The following SLC16A7 variants were observed in gnomAD, a reference collection of about 807,000 sequenced individuals.
SLC16A7 encodes solute carrier family 16 member 7, also known as monocarboxylate transporter 2.
Under a neutral mutation model 34.9 loss-of-function variants are expected in SLC16A7, and 33 were observed. The ratio of observed to expected loss-of-function variants is 0.94; its 90% confidence interval spans 0.72 to 1.26. SLC16A7 has a LOEUF of 1.26. SLC16A7 is among the 50% of genes most tolerant of loss of function. The pLI is 0.00. For synonymous variants in SLC16A7, 201 were observed against 206.6 expected, an observed-to-expected ratio of 0.97 and a Z score of 0.23; for missense variants, 573 against 578.1, an observed-to-expected ratio of 0.99 and a Z score of 0.09.
intron 5 of SLC16A7, among the ~76,000 whole-genome samples, chr12:59,776,184 C>CT (rs1235832565): frequency 3.3e-5 from 5 of 152,056 alleles, no homozygotes; most frequent in African/African-American, 4.8e-5. Flanking sequence ...AAAGAATACC[C>CT]TCACAAATTG....
chr12:59,722,530 A>G (rs757747437), intron 3 of SLC16A7, among the ~76,000 whole-genome samples: 15 of 151,846 alleles, frequency 9.9e-5, no homozygotes, highest in Non-Finnish European at 1.5e-4. Flanking sequence ...GTCTTCTGTT[A>G]TCCTCCCTTT....
intron 2 of SLC16A7, among the ~76,000 whole-genome samples, chr12:59,681,878 C>A (rs1045695891): frequency 7.2e-5 from 11 of 152,020 alleles, no homozygotes; most frequent in Non-Finnish European, 1.6e-4. Flanking sequence ...GAACTCCTCT[C>A]AGAATAGGTC....
chr12:59,711,081 A>G (rs935256553), intron 3 of SLC16A7, among the ~76,000 whole-genome samples: 10 of 152,210 alleles, frequency 6.6e-5, no homozygotes, highest in African/African-American at 2.4e-4. Flanking sequence ...TTATACTTTG[A>G]CAAATTCTAA....
At chr12:59,773,214 C>T (rs1020036856) in intron 4 of SLC16A7, among the ~76,000 whole-genome samples, 2 of 151,910 alleles carry the variant, frequency 1.3e-5, no homozygotes, top group Non-Finnish European at 1.5e-5. Context: ...ATTTATAAAT[C>T]GGATTTAATT....
intron 3 of SLC16A7, among the ~76,000 whole-genome samples, chr12:59,758,913 T>C (rs534437553): frequency 3.7e-4 from 57 of 152,176 alleles, no homozygotes; most frequent in South Asian, 3.7e-3. Flanking sequence ...TCTCCAAGTC[T>C]TGTTGCCATT....
chr12:59,717,789 T>A (rs552876904), intron 3 of SLC16A7, among the ~76,000 whole-genome samples: 1 of 152,338 alleles, frequency 6.6e-6, no homozygotes, highest in South Asian at 2.1e-4. Flanking sequence ...TATTTTAAGT[T>A]TATATTTGTA....
intron 2 of SLC16A7, among the ~76,000 whole-genome samples, chr12:59,679,429 C>T (rs138709500): frequency 6.6e-6 from 1 of 152,180 alleles, no homozygotes; most frequent in African/African-American, 2.4e-5. Flanking sequence ...TATTACTACT[C>T]CCAATTTCAC....
chr12:59,616,439 C>T (rs76743087), intron 1 of SLC16A7, among the ~76,000 whole-genome samples: 2,679 of 151,950 alleles, frequency 0.018, 77 homozygotes, highest in African/African-American at 0.061. Flanking sequence ...TCTGTAAGTT[C>T]TTATGTTTTT....
intron 1 of SLC16A7, among the ~76,000 whole-genome samples, chr12:59,645,352 G>A (rs190646649): frequency 2.6e-4 from 39 of 152,302 alleles, no homozygotes; most frequent in Admixed American, 7.2e-4. Context: ...ATCTTGAATT[G>A]TAGTTCCCAT....
rs555599614 is a variant in SLC16A7 at position 59,786,471 on chromosome 12, G to A, written c.*6792G>A. ...TTTCTGACAAGCTTTTCAATGGTAC[G>A]ATGGATTTTATTTTTCTATCATCAA... On this transcript the variant is annotated 3_prime_UTR_variant, in exon 6 of 6. Transcript: ENST00000547379. 20 of 152,004 alleles carry A rather than the reference G, an allele frequency of 1.3e-4. No individual in the cohort carries two copies. The South Asian group carries it at 3.7e-3, about 28-fold the overall frequency. The allele number at this position is 152,004 out of a possible 1,614,324, so 9.4% of individuals were successfully genotyped here. A position where few individuals can be genotyped will look rare whatever the true frequency, so the allele number is the denominator to read the frequency against.
chr12:59,764,785 A>G (rs959636566), intron 3 of SLC16A7, among the ~76,000 whole-genome samples: 2 of 152,110 alleles, frequency 1.3e-5, no homozygotes, highest in African/African-American at 4.8e-5. Flanking sequence ...TAGTGCCGCA[A>G]TAAACATACG....
rs1353195522 is a variant in SLC16A7, at chr12:59,678,613, T to C, written c.-31+23363T>C. ...GTCCAGGGTTTTTATGGGCTTCAGA[T>C]GGGAGGAAGTGCCTCCTGATTGGCT... On this transcript the variant is annotated intron_variant, in intron 2 of 5. Transcript: ENST00000547379. Among the ~76,000 whole-genome samples, 3 of 152,130 alleles carry C rather than the reference T, an allele frequency of 2.0e-5. No individual in the cohort carries two copies. In the East Asian group the frequency reaches 5.8e-4, roughly 29 times the overall value.
chr12:59,607,946 C>T (rs1174025749), intron 1 of SLC16A7, among the ~76,000 whole-genome samples: 2 of 152,108 alleles, frequency 1.3e-5, no homozygotes, highest in African/African-American at 2.4e-5. Flanking sequence ...TGAGCTAGAA[C>T]ATAGATAGGA....
intron 3 of SLC16A7, among the ~76,000 whole-genome samples, chr12:59,722,084 G>T (rs1209148444): frequency 6.6e-6 from 1 of 151,698 alleles, no homozygotes; most frequent in East Asian, 1.9e-4. Context: ...CTGAACTCTA[G>T]ACCTATATAT....
intron 2 of SLC16A7, among the ~76,000 whole-genome samples, chr12:59,685,848 A>G (rs957487604): frequency 6.6e-6 from 1 of 152,132 alleles, no homozygotes; most frequent in African/African-American, 2.4e-5. Flanking sequence ...TAAATAGCAT[A>G]AAAAATTTTA....
chr12:59,657,303 A>G (rs920304937), intron 2 of SLC16A7, among the ~76,000 whole-genome samples: 7 of 151,996 alleles, frequency 4.6e-5, no homozygotes, highest in Non-Finnish European at 8.8e-5. Flanking sequence ...GTCCGTTTTC[A>G]TCATCATATG....
intron 1 of SLC16A7, among the ~76,000 whole-genome samples, chr12:59,643,118 C>G (rs924912630): frequency 6.6e-6 from 1 of 152,070 alleles, no homozygotes; most frequent in African/African-American, 2.4e-5. Flanking sequence ...TTACTTTCTG[C>G]CACAGACTAT....
intron 1 of SLC16A7, among the ~76,000 whole-genome samples, chr12:59,613,914 A>G (rs1312466075): frequency 6.6e-6 from 1 of 152,212 alleles, no homozygotes; most frequent in Non-Finnish European, 1.5e-5. Context: ...GAGATACAAG[A>G]TGATGAAGAA....
At chr12:59,679,946 G>A (rs1013805668) in intron 2 of SLC16A7, among the ~76,000 whole-genome samples, 32 of 152,288 alleles carry the variant, frequency 2.1e-4, no homozygotes, top group African/African-American at 7.7e-4. Context: ...TGTAATTGAA[G>A]ACCAGCACAG....
Sources: gnomAD v4.1 joint callset for allele counts (sites outside exome capture counted in the v4.1 genomes callset) on GRCh38, gnomAD v4.1.1 for gene constraint, MANE v1.5 for transcripts, NCBI Gene and HGNC (gene_info 2026-07-23, HGNC 2026-07-21) for gene names.